The following JPH3 variants were observed in gnomAD, a reference collection of about 807,000 sequenced individuals.
The protein encoded by JPH3 is junctophilin-3.
In JPH3, 11 loss-of-function variants were observed where a neutral mutation model predicts 59.6. The observed-to-expected ratio is 0.18, with a 90% confidence interval of 0.12 to 0.31. JPH3 has a LOEUF of 0.31. Among genes scored for constraint, JPH3 ranks in the 10% least tolerant of loss-of-function variants. JPH3 has a pLI of 1.00. For synonymous variants in JPH3, 673 were observed against 483.6 expected (o/e 1.39, Z -5.14); for missense variants, 1,202 against 1,105.7 (o/e 1.09, Z -1.24).
intron 1 of JPH3, among the ~76,000 whole-genome samples, chr16:87,631,114 C>A (rs777615142): frequency 1.3e-5 from 2 of 152,144 alleles, no homozygotes; most frequent in South Asian, 4.1e-4. Context: ...CTTGAGCAAA[C>A]CTGCCAGATT....
chr16:87,651,515 A>G (rs1219966121), intron 2 of JPH3, among the ~76,000 whole-genome samples: 2 of 152,252 alleles, frequency 1.3e-5, no homozygotes, highest in Non-Finnish European at 2.9e-5. Context: ...TTGGAGGTCA[A>G]AACATCCACA....
intron 1 of JPH3, among the ~76,000 whole-genome samples, chr16:87,632,300 C>T (rs780569112): frequency 2.6e-5 from 4 of 152,236 alleles, no homozygotes; most frequent in Non-Finnish European, 5.9e-5. Context: ...CCCTGGCAGT[C>T]CTCCCCCACC....
chr16:87,632,265 C>T (rs976392016), intron 1 of JPH3, among the ~76,000 whole-genome samples: 19 of 152,226 alleles, frequency 1.2e-4, no homozygotes, highest in African/African-American at 4.3e-4. Context: ...GAAGCATTGG[C>T]GAAAAGACGA....
At chr16:87,675,828 C>G (rs899234572) in intron 2 of JPH3, among the ~76,000 whole-genome samples, 1 of 152,226 alleles carries the variant, frequency 6.6e-6, no homozygotes, top group Non-Finnish European at 1.5e-5. Flanking sequence ...ACCACTATTC[C>G]TCACCTTTCA....
intron 1 of JPH3, among the ~76,000 whole-genome samples, chr16:87,613,160 G>A (rs1313954474): frequency 2.1e-5 from 3 of 139,854 alleles, no homozygotes; most frequent in Admixed American, 1.5e-4. Context: ...GCAGTGGCGC[G>A]ATCTCGGCTC....
chr16:87,668,702 C>A (rs1309597903), intron 2 of JPH3, among the ~76,000 whole-genome samples: 2 of 152,214 alleles, frequency 1.3e-5, no homozygotes, highest in Non-Finnish European at 2.9e-5. Context: ...GGTTCCATTG[C>A]TGTCAGTCTC....
chr16:87,621,333 G>A (rs996396062), intron 1 of JPH3, among the ~76,000 whole-genome samples: 8 of 152,172 alleles, frequency 5.3e-5, no homozygotes, highest in Non-Finnish European at 1.0e-4. Flanking sequence ...TCCTATAGAC[G>A]GAGTCCGGGG....
chr16:87,630,271 C>G (rs1032694939), intron 1 of JPH3, among the ~76,000 whole-genome samples: 10 of 152,188 alleles, frequency 6.6e-5, no homozygotes, highest in East Asian at 5.8e-4. Context: ...GCACCTCCCA[C>G]CCTAGGGGGA....
rs144633207 is a variant in JPH3 at position 87,604,423 on chromosome 16, C to T, written c.382+895C>T. On this transcript the variant is annotated intron_variant, in intron 1 of 4. Transcript: ENST00000284262. ...TCCACTCCTCAGTGCACCTGACACG[C>T]ATGGAGCCGGTCCTTTCCTGGAAGC... The T allele has an allele frequency of 2.6e-3, 3,631 of 1,396,720 alleles. 27 individuals carry two copies. Among genetic ancestry groups the T allele is most frequent in the Middle Eastern group, 5.1e-3 (27 of 5,270 alleles). 86.5% of individuals were successfully genotyped at this position (1,396,720 alleles called of 1,614,324 possible).
rs183515054 is a variant in JPH3 at position 87,690,005 on chromosome 16, G to A, written c.1645G>A (p.Gly549Ser). The change falls in exon 4 of 5, where the codon GGC becomes AGC. Residue 549 changes from glycine (G) to serine (S), a missense_variant. Physicochemically the swap from Gly to Ser is moderately conservative, Grantham distance 56. Coordinates refer to ENST00000284262, the MANE Select transcript of JPH3 (RefSeq NM_020655.4). The stretch of plus-strand genomic sequence containing the variant: ...GGGTGTCCGCAGCGGTGCCCTGCGC[G>A]GCGGCCTGCTCGTGGATGACTTCCG... ...SRGVRSGALR[G>S]GLLVDDFRTR... 1,843 of 1,511,800 alleles carry A rather than the reference G, an allele frequency of 1.2e-3. 47 individuals carry two copies. In the East Asian group the frequency reaches 0.032, roughly 26 times the overall value. The allele number at this position is 1,511,800 out of a possible 1,614,324, so 93.6% of individuals were successfully genotyped here.
intron 3 of JPH3, among the ~76,000 whole-genome samples, chr16:87,684,966 C>T (rs753204029): frequency 1.3e-5 from 2 of 152,188 alleles, no homozygotes; most frequent in Non-Finnish European, 2.9e-5. Flanking sequence ...CACCAGGAGG[C>T]CCCAGAGAAT....
intron 2 of JPH3, among the ~76,000 whole-genome samples, chr16:87,653,055 C>T (rs1018554985): frequency 6.6e-6 from 1 of 151,798 alleles, no homozygotes; most frequent in African/African-American, 2.4e-5. Context: ...GGTCTCCAAG[C>T]CAGTCAGTGC....
chr16:87,673,947 A>G (rs1226833733), intron 2 of JPH3, among the ~76,000 whole-genome samples: 2 of 151,516 alleles, frequency 1.3e-5, no homozygotes, highest in Non-Finnish European at 2.9e-5. Context: ...ATATAAATAA[A>G]TAATTTAAAA....
At chr16:87,625,618 G>A (rs985898661) in intron 1 of JPH3, among the ~76,000 whole-genome samples, 4 of 152,172 alleles carry the variant, frequency 2.6e-5, no homozygotes, top group Admixed American at 1.3e-4. Context: ...GTCTCACAGC[G>A]CAGACTGGGG....
intron 2 of JPH3, among the ~76,000 whole-genome samples, chr16:87,666,245 T>G (rs1477228015): frequency 1.3e-5 from 2 of 152,034 alleles, no homozygotes; most frequent in Non-Finnish European, 2.9e-5. Context: ...CCTGCCACCA[T>G]GCCCAGCTAA....
At chr16:87,613,414 G>A (rs575175984) in intron 1 of JPH3, among the ~76,000 whole-genome samples, 13 of 152,042 alleles carry the variant, frequency 8.6e-5, no homozygotes, top group South Asian at 6.2e-4. Flanking sequence ...TCTGCTTCCC[G>A]AGTTCAAGCC....
chr16:87,623,540 G>A (rs1192342243), intron 1 of JPH3, among the ~76,000 whole-genome samples: 31 of 152,232 alleles, frequency 2.0e-4, no homozygotes, highest in Admixed American at 2.0e-3. Context: ...TAAATTTCAA[G>A]TAAAGCTTAG....
intron 2 of JPH3, among the ~76,000 whole-genome samples, chr16:87,657,312 A>G (rs1248987225): frequency 6.6e-6 from 1 of 152,238 alleles, no homozygotes; most frequent in East Asian, 1.9e-4. Context: ...AGCCTGTCAC[A>G]AAAGGACAAA....
chr16:87,604,077 G>A (rs2030384382), intron 1 of JPH3: 2 of 985,460 alleles, frequency 2.0e-6, no homozygotes, highest in East Asian at 1.1e-4. Flanking sequence ...CAGCCAGGCA[G>A]TACACTTCTA....
Sources: gnomAD v4.1 joint callset for allele counts (sites outside exome capture counted in the v4.1 genomes callset) on GRCh38, gnomAD v4.1.1 for gene constraint, MANE v1.5 for transcripts, NCBI Gene and HGNC (gene_info 2026-07-23, HGNC 2026-07-21) for gene names.